Variants in MECOM observed in about 807,000 individuals in gnomAD.
The protein encoded by MECOM is MDS1 and EVI1 complex locus, also known as histone-lysine N-methyltransferase MECOM.
MECOM carries 13 observed loss-of-function variants against 116.3 expected under a neutral mutation model. The ratio of observed to expected loss-of-function variants is 0.11; its 90% CI spans 0.07 to 0.18. The LOEUF is 0.18. MECOM is among the 10% of genes least tolerant of loss of function. MECOM has a pLI of 1.00. For missense variants in MECOM, 1,299 were observed against 1,509.0 expected (o/e 0.86, Z 2.31); for synonymous variants, 528 against 535.2 (o/e 0.99, Z 0.19).
chr3:169,501,925 T>TTA (rs1402633154), intron 1 of MECOM, among the ~76,000 whole-genome samples: 1 of 152,094 alleles, frequency 6.6e-6, no homozygotes, highest in Non-Finnish European at 1.5e-5. Context: ...TGGTTCAAGG[T>TTA]CTGTATCAAA....
At chr3:169,156,911 T>C (rs1742081901) in intron 2 of MECOM, among the ~76,000 whole-genome samples, 2 of 152,188 alleles carry the variant, frequency 1.3e-5, no homozygotes, top group Admixed American at 6.5e-5. Flanking sequence ...TGATATTAGA[T>C]TCATGTGTTA....
At chr3:169,652,106 C>T (rs957221887) in intron 1 of MECOM, among the ~76,000 whole-genome samples, 1 of 151,902 alleles carries the variant, frequency 6.6e-6, no homozygotes, top group East Asian at 1.9e-4. Flanking sequence ...AATGGTTGAA[C>T]CCCCATTCAA....
At chr3:169,354,113 GTGGAA>G (rs2149811319) in intron 2 of MECOM, among the ~76,000 whole-genome samples, 1 of 151,896 alleles carries the variant, frequency 6.6e-6, no homozygotes, top group South Asian at 2.1e-4. Flanking sequence ...TCCATTGAGA[GTGGAA>G]TTAATCTCAA....
At chr3:169,439,808 C>T (rs1331319744) in intron 1 of MECOM, among the ~76,000 whole-genome samples, 1 of 151,744 alleles carries the variant, frequency 6.6e-6, no homozygotes, top group Non-Finnish European at 1.5e-5. Flanking sequence ...GACACATCCA[C>T]AAGAAAATGA....
chr3:169,473,872 C>T (rs1159916391), intron 1 of MECOM, among the ~76,000 whole-genome samples: 1 of 151,630 alleles, frequency 6.6e-6, no homozygotes, highest in African/African-American at 2.4e-5. Flanking sequence ...AGAATAAATA[C>T]TATATATATG....
intron 2 of MECOM, among the ~76,000 whole-genome samples, chr3:169,275,331 C>A (rs1316098038): frequency 1.3e-5 from 2 of 152,196 alleles, no homozygotes; most frequent in Admixed American, 6.5e-5. Context: ...AAGGAGCCAA[C>A]TATACATTTT....
intron 2 of MECOM, among the ~76,000 whole-genome samples, chr3:169,343,832 C>T (rs1289763649): frequency 6.6e-6 from 1 of 152,128 alleles, no homozygotes; most frequent in Non-Finnish European, 1.5e-5. Flanking sequence ...ATGGTTGGAA[C>T]ATACTTAAAT....
chr3:169,482,206 A>C (rs76402902), intron 1 of MECOM, among the ~76,000 whole-genome samples: 1 of 152,154 alleles, frequency 6.6e-6, no homozygotes, highest in Non-Finnish European at 1.5e-5. Context: ...TACTTCCCTT[A>C]CAGGCTGCTT....
Position 169,317,547 on chromosome 3 carries a change from C to T in MECOM, c.375+63640G>A, listed in dbSNP as rs930922772. ...TGTCTCCATCCTTCTTTCCTCTCTC[C>T]AGAGTATAATTACTTCAAGAAACGA... On this transcript the variant is annotated intron_variant, in intron 2 of 16. Coordinates refer to ENST00000651503, the MANE Select transcript of MECOM (RefSeq NM_004991.4). Among the ~76,000 whole-genome samples the T allele has an allele frequency of 1.3e-4, 20 of 152,270 alleles. No individual in the cohort carries two copies. In the East Asian group the frequency reaches 3.9e-3, roughly 29 times the overall value.
At position 169,305,516 on chromosome 3, in the gene MECOM, G is replaced by A. The variant is rs114010763; in HGVS notation, c.375+75671C>T. 4.5e-3 allele frequency among the ~76,000 whole-genome samples: 692 copies of A among 152,178 alleles called. 7 individuals carry two copies. The highest frequency in any genetic ancestry group is 0.016 in the African/African-American group (660 of 41,504). ...GAAAAAAAGAACAAACATGGAGGGC[G>A]GCAGGCAGAGAGTGCCTTGCCAGTA... On this transcript the variant is annotated intron_variant, in intron 2 of 16. Coordinates refer to ENST00000651503, the MANE Select transcript of MECOM (RefSeq NM_004991.4).
At chr3:169,544,956 G>A (rs1406067531) in intron 1 of MECOM, among the ~76,000 whole-genome samples, 1 of 152,108 alleles carries the variant, frequency 6.6e-6, no homozygotes. Context: ...GTTGATAGGT[G>A]CAGCAAACCA....
chr3:169,321,464 C>T (rs550018144), intron 2 of MECOM, among the ~76,000 whole-genome samples: 4 of 151,960 alleles, frequency 2.6e-5, no homozygotes, highest in African/African-American at 9.7e-5. Context: ...CACTTGAGCC[C>T]GGGAAGGTGG....
At chr3:169,302,651 G>T (rs1315061947) in intron 2 of MECOM, among the ~76,000 whole-genome samples, 1 of 152,026 alleles carries the variant, frequency 6.6e-6, no homozygotes, top group African/African-American at 2.4e-5. Context: ...GATCACTGAG[G>T]TCATGAGTTC....
At chr3:169,265,413 G>T (rs1201643714) in intron 2 of MECOM, among the ~76,000 whole-genome samples, 2 of 152,204 alleles carry the variant, frequency 1.3e-5, no homozygotes, top group African/African-American at 4.8e-5. Flanking sequence ...TAGCAAGAAA[G>T]TGCAACAATT....
At chr3:169,101,861 G>A (rs1399502268) in intron 11 of MECOM, among the ~76,000 whole-genome samples, 199 bp downstream of exon 11, 1 of 152,160 alleles carries the variant, frequency 6.6e-6, no homozygotes. Flanking sequence ...AATGTCCTGT[G>A]TTAAAATTCA....
At chr3:169,552,357 AGCCCT>A (rs1761514087) in intron 1 of MECOM, among the ~76,000 whole-genome samples, 1 of 152,038 alleles carries the variant, frequency 6.6e-6, no homozygotes, top group South Asian at 2.1e-4. Context: ...TACCTACAAA[AGCCCT>A]TTGGCCATTT....
intron 2 of MECOM, among the ~76,000 whole-genome samples, chr3:169,172,568 A>C (rs1381078955): frequency 1.3e-5 from 2 of 152,336 alleles, no homozygotes; most frequent in East Asian, 3.9e-4. Flanking sequence ...ACAAGAGATT[A>C]GATAAAATAG....
intron 4 of MECOM, among the ~76,000 whole-genome samples, chr3:169,130,805 C>T (rs1734451407): frequency 5.3e-5 from 8 of 151,962 alleles, no homozygotes; most frequent in Admixed American, 5.2e-4. Context: ...ATTAAATTTC[C>T]ATCTCAATGA....
chr3:169,271,248 G>C (rs1758910029), intron 2 of MECOM, among the ~76,000 whole-genome samples: 1 of 152,140 alleles, frequency 6.6e-6, no homozygotes, highest in African/African-American at 2.4e-5. Flanking sequence ...AGTACAGCAG[G>C]GGTTGCAGCC....
Sources: allele counts gnomAD v4.1 joint callset (sites outside exome capture counted in the v4.1 genomes callset), GRCh38; gene constraint gnomAD v4.1.1; transcripts MANE v1.5; gene names NCBI Gene and HGNC (gene_info 2026-07-23, HGNC 2026-07-21).